Variants in PHIP observed in about 807,000 individuals in gnomAD.
PHIP encodes the protein PHIP subunit of CUL4-Ring ligase complex, also known as PH-interacting protein.
In PHIP, 54 loss-of-function variants were observed where a neutral mutation model predicts 236.8. That is an observed-to-expected ratio of 0.23 (90% CI 0.18 to 0.29). The LOEUF (loss-of-function observed/expected upper bound fraction) is 0.29, where lower values mean the gene tolerates loss of function less well. PHIP is among the 10% of genes least tolerant of loss of function. PHIP has a pLI of 1.00. For synonymous variants in PHIP, 756 were observed against 718.9 expected (o/e 1.05, Z -0.83); for missense variants, 1,370 against 2,190.8 (o/e 0.63, Z 7.48).
At chr6:79,004,074 A>C (rs1770156040) in intron 15 of PHIP, among the ~76,000 whole-genome samples, 1 of 152,050 alleles carries the variant, frequency 6.6e-6, no homozygotes, top group African/African-American at 2.4e-5. Context: ...GACCAAACAC[A>C]ATTCAGGAAA....
At position 79,077,975 on chromosome 6, in the gene PHIP, G is replaced by A. The variant is rs533169456; in HGVS notation, c.40+54C>T. On this transcript the variant is annotated intron_variant, in intron 1 of 39. Transcript: ENST00000275034. ...GAGCGGTCGGGCGGCGGGGGGCGGG[G>A]GACCGCGGGCGGAATCGCCCGGTGC... is the stretch of plus-strand genomic sequence containing the variant. 9 of 1,597,286 alleles carry A rather than the reference G, an allele frequency of 5.6e-6. No individual in the cohort carries two copies. In the East Asian group the frequency reaches 1.8e-4, roughly 32 times the overall value.
intron 29 of PHIP, among the ~76,000 whole-genome samples, chr6:78,964,172 ATTGAT>A (rs541670119): frequency 2.0e-5 from 3 of 152,206 alleles, no homozygotes; most frequent in Non-Finnish European, 4.4e-5. Flanking sequence ...ATGGTTACCA[ATTGAT>A]TTAAGATATT....
At chr6:79,045,444 A>C (rs1000590447) in intron 6 of PHIP, among the ~76,000 whole-genome samples, 19 of 152,262 alleles carry the variant, frequency 1.2e-4, no homozygotes, top group South Asian at 6.2e-4. Context: ...GAAAATGTCT[A>C]TCTCTCCTAT....
chr6:79,027,273 A>G (rs949911802), intron 7 of PHIP, among the ~76,000 whole-genome samples: 2 of 152,182 alleles, frequency 1.3e-5, no homozygotes, highest in South Asian at 2.1e-4. Context: ...AATGATACCT[A>G]AAACACCCCC....
chr6:78,962,030 G>A (rs986210446), intron 30 of PHIP, among the ~76,000 whole-genome samples: 8 of 151,962 alleles, frequency 5.3e-5, no homozygotes, highest in African/African-American at 1.9e-4. Flanking sequence ...TTTATTCATA[G>A]GTTCACCGGG....
chr6:78,990,009 A>AT (rs1769119270), intron 20 of PHIP, among the ~76,000 whole-genome samples: 1 of 152,186 alleles, frequency 6.6e-6, no homozygotes, highest in African/African-American at 2.4e-5. Flanking sequence ...GAGTATTTTG[A>AT]AGAGATGAGT....
In PHIP at chr6:78,996,919, T is replaced by G. The variant is rs189845817; in HGVS notation, c.2201+495A>C. Among the ~76,000 whole-genome samples, 97 of 152,006 alleles carry G rather than the reference T, an allele frequency of 6.4e-4. 1 individual carries two copies. The South Asian group carries it at 8.1e-3, about 13-fold the overall frequency. On this transcript the variant is annotated intron_variant, in intron 19 of 39. Transcript: ENST00000275034. ...TCCCTCATGGCATGGTCTAAGAGAA[T>G]AGAATTTTATTAAATCAATACTTTT...
intron 39 of PHIP, among the ~76,000 whole-genome samples, chr6:78,944,329 G>A (rs1000646585): frequency 2.6e-5 from 4 of 152,140 alleles, no homozygotes; most frequent in African/African-American, 2.4e-5. Context: ...CTGTGTGTAC[G>A]TACACACATC....
intron 15 of PHIP, among the ~76,000 whole-genome samples, chr6:79,013,200 A>G (rs1334992619): frequency 6.6e-6 from 1 of 151,780 alleles, no homozygotes; most frequent in Non-Finnish European, 1.5e-5. Context: ...CAAGGTTTTC[A>G]TGAGACCCAA....
At chr6:79,023,636 T>C (rs1411677377) in intron 9 of PHIP, among the ~76,000 whole-genome samples, 2 of 151,872 alleles carry the variant, frequency 1.3e-5, no homozygotes, top group African/African-American at 4.8e-5. Flanking sequence ...ATATATATAT[T>C]CCTAATTATA....
At chr6:79,029,015 G>A (rs990926812) in intron 7 of PHIP, among the ~76,000 whole-genome samples, 1 of 152,092 alleles carries the variant, frequency 6.6e-6, no homozygotes, top group Non-Finnish European at 1.5e-5. Context: ...TTCCTACTGG[G>A]TTTATCATTT....
Position 78,934,612 on chromosome 6 carries a change from T to C in PHIP, c.*6081A>G, listed in dbSNP as rs1773194414. On this transcript the variant is annotated 3_prime_UTR_variant, in exon 40 of 40. Coordinates refer to ENST00000275034, the MANE Select transcript of PHIP (RefSeq NM_017934.7). ...TCTGGAAGCTACACATTAAATGATGTATTCTATTTAGGGACTAAATATAAA... is the reference window on the plus strand; with the variant it reads ...TCTGGAAGCTACACATTAAATGATGCATTCTATTTAGGGACTAAATATAAA... 6.6e-6 allele frequency among the ~76,000 whole-genome samples: 1 copy of C among 152,232 alleles called. No individual in the cohort carries two copies. The highest frequency in any genetic ancestry group is 2.4e-5 in the African/African-American group (1 of 41,452).
chr6:78,970,351 G>A (rs1767450651), intron 25 of PHIP, among the ~76,000 whole-genome samples, 178 bp from the exon 26 acceptor site: 1 of 151,918 alleles, frequency 6.6e-6, no homozygotes, highest in Non-Finnish European at 1.5e-5. Flanking sequence ...TAGTATGCAA[G>A]TTACAATGAA....
chr6:78,940,159 G>A lies in PHIP; in HGVS notation c.*534C>T, dbSNP rs1773414881. On this transcript the variant is annotated 3_prime_UTR_variant, in exon 40 of 40. Transcript: ENST00000275034. ...TCTATAATTAAAATTAAACTGTTTA[G>A]GGTATCAAATGGTGGAAATTTTATA... The A allele has an allele frequency of 2.0e-5, 3 of 152,010 alleles. No homozygotes were observed. 9.4% of individuals were successfully genotyped at this position (152,010 alleles called of 1,614,324 possible).
At chr6:78,967,397 A>T (rs1767213877) in intron 27 of PHIP, among the ~76,000 whole-genome samples, 2 of 152,234 alleles carry the variant, frequency 1.3e-5, no homozygotes, top group South Asian at 4.1e-4. Context: ...CAGACTGATT[A>T]TTATGCTAAA....
chr6:78,981,764 A>C (rs1369018584), intron 23 of PHIP, among the ~76,000 whole-genome samples: 1 of 152,010 alleles, frequency 6.6e-6, no homozygotes, highest in Admixed American at 6.6e-5. Flanking sequence ...TTCTTTAACC[A>C]ATCTGTCTAC....
intron 6 of PHIP, among the ~76,000 whole-genome samples, chr6:79,056,073 G>T (rs1773055353): frequency 6.6e-6 from 1 of 152,156 alleles, no homozygotes; most frequent in South Asian, 2.1e-4. Flanking sequence ...ATGCTGAAGA[G>T]TTGGGTCTCT....
chr6:79,010,686 A>T (rs1468535473), intron 15 of PHIP, among the ~76,000 whole-genome samples: 2 of 151,854 alleles, frequency 1.3e-5, no homozygotes, highest in Admixed American at 6.6e-5. Flanking sequence ...AAGAAAGAGT[A>T]AGAGAAATAA....
intron 6 of PHIP, among the ~76,000 whole-genome samples, chr6:79,043,207 T>A (rs543751200): frequency 6.6e-6 from 1 of 152,122 alleles, no homozygotes; most frequent in Non-Finnish European, 1.5e-5. Flanking sequence ...ACTATCATTC[T>A]CACTTTATAA....
Sources: allele counts gnomAD v4.1 joint callset (sites outside exome capture counted in the v4.1 genomes callset), GRCh38; gene constraint gnomAD v4.1.1; transcripts MANE v1.5; gene names NCBI Gene and HGNC (gene_info 2026-07-23, HGNC 2026-07-21).